The following THAP4 variants were observed in gnomAD, a reference collection of about 807,000 sequenced individuals.
THAP4 encodes the protein THAP domain containing 4.
A neutral mutation model predicts 48.1 loss-of-function variants in THAP4; 18 were observed. The ratio of observed to expected loss-of-function variants is 0.37; its 90% CI spans 0.26 to 0.56. The LOEUF is 0.56. THAP4 is among the 20% of genes least tolerant of loss of function. The pLI is 0.78. For synonymous variants in THAP4, 345 were observed against 324.9 expected, an observed-to-expected ratio of 1.06 and a Z score of -0.66; for missense variants, 656 against 774.9, an observed-to-expected ratio of 0.85 and a Z score of 1.82.
At position 241,584,460 on chromosome 2, in the gene THAP4, GC is replaced by G; in HGVS notation, c.*145del. 1 of 813,096 alleles carries G rather than the reference GC, an allele frequency of 1.2e-6. No homozygotes were observed. 50.4% of individuals were successfully genotyped at this position (813,096 alleles called of 1,614,324 possible). On this transcript the variant is annotated 3_prime_UTR_variant, in exon 6 of 6. Coordinates refer to ENST00000407315, the MANE Select transcript of THAP4 (RefSeq NM_015963.6). ...AAGGCCTTTTATTTGGTTTTTCTAT[GC>G]CAGTACAGAAACATCTGGACAACAC...
chr2:241,587,147 TG>T (rs1356427598), intron 5 of THAP4, among the ~76,000 whole-genome samples: 2 of 152,202 alleles, frequency 1.3e-5, no homozygotes, highest in African/African-American at 2.4e-5. Flanking sequence ...AGGATTATTT[TG>T]AGTATGTCTG....
At chr2:241,602,184 C>T (rs1217264816) in intron 4 of THAP4, 185 bp from the exon 5 acceptor site, 1 of 627,832 alleles carries the variant, frequency 1.6e-6, no homozygotes, top group African/African-American at 1.8e-5. Context: ...CAACTCTCCT[C>T]ACAGAACAGG....
chr2:241,606,547 G>C, intron 2 of THAP4, 74 bp from the exon 3 acceptor site: 1 of 1,373,912 alleles, frequency 7.3e-7, no homozygotes, highest in South Asian at 1.6e-5. Flanking sequence ...CAGAATGCAC[G>C]TTCCATATCG....
chr2:241,602,799 C>G (rs537130808), intron 4 of THAP4, among the ~76,000 whole-genome samples, 171 bp downstream of exon 4: 3 of 152,360 alleles, frequency 2.0e-5, no homozygotes, highest in Non-Finnish European at 2.9e-5. Context: ...TACAGCTACA[C>G]AGTCGGCCCC....
In THAP4 at chr2:241,633,554, G is replaced by A. The variant is rs1318154266; in HGVS notation, c.603C>T (p.Ser201=). The A allele has an allele frequency of 1.1e-5, 17 of 1,613,718 alleles. No individual in the cohort carries two copies. The highest frequency in any genetic ancestry group is 1.3e-5 in the Non-Finnish European group (15 of 1,179,936). The change falls in exon 2 of 6, where the codon AGC becomes AGT. Residue 201 remains serine, a synonymous_variant. Transcript: ENST00000407315. This position sits in a 1 kb window ranked among gnomAD's most constrained non-coding sequence, Gnocchi z 7.5. ...EASATDAGDE[S]ATSSIEGGVT... ...CGCCCCCTTCGATGGAGGAAGTGGCGCTCTCATCGCCAGCATCTGTGGCAG... is the reference window on the plus strand; with the variant it reads ...CGCCCCCTTCGATGGAGGAAGTGGCACTCTCATCGCCAGCATCTGTGGCAG...
intron 2 of THAP4, among the ~76,000 whole-genome samples, chr2:241,611,728 A>T (rs2067280137): frequency 6.6e-6 from 1 of 151,124 alleles, no homozygotes; most frequent in South Asian, 2.1e-4. Flanking sequence ...TGTCTCCAAA[A>T]AAAAAAAAAA....
In THAP4 at chr2:241,633,971, T is replaced by A; in HGVS notation, c.186A>T (p.Lys62Asn). The A allele has an allele frequency of 6.2e-7, 1 of 1,614,154 alleles. No individual in the cohort carries two copies. Among genetic ancestry groups the A allele is most frequent in the South Asian group, 1.1e-5 (1 of 91,088 alleles). ...CCTCCAGCCTCTTGGAGAAGCTGTCTTTGGTGAAATGCTCACTACAGAGAA... is the reference window on the plus strand; with the variant it reads ...CCTCCAGCCTCTTGGAGAAGCTGTCATTGGTGAAATGCTCACTACAGAGAA... Reference protein sequence around the residue: ...YSFLCSEHFTKDSFSKRLEDQ... With the variant: ...YSFLCSEHFTNDSFSKRLEDQ... The change falls in exon 2 of 6, where the codon AAA becomes AAT. Residue 62 changes from lysine (K) to asparagine (N), a missense_variant. This residue lies in a region of THAP4 where 30 missense variants were observed against 60.1 expected (regional missense o/e 0.50). Transcript: ENST00000407315. This position sits in a 1 kb window ranked among gnomAD's most constrained non-coding sequence, Gnocchi z 7.5.
chr2:241,605,891 T>C (rs2067177090), intron 3 of THAP4, among the ~76,000 whole-genome samples: 1 of 152,004 alleles, frequency 6.6e-6, no homozygotes, highest in Non-Finnish European at 1.5e-5. Flanking sequence ...CTAAATACTT[T>C]TCAGTAGAGA....
intron 5 of THAP4, among the ~76,000 whole-genome samples, chr2:241,592,551 TGGGGC>T (rs1167272074): frequency 1.3e-5 from 2 of 152,088 alleles, no homozygotes; most frequent in African/African-American, 4.8e-5. Flanking sequence ...CTACCCTCTG[TGGGGC>T]CTGCAGTCTG....
chr2:241,610,673 CT>C lies in THAP4; in HGVS notation c.1241-4201del, dbSNP rs1393054015. Among the ~76,000 whole-genome samples the C allele has an allele frequency of 2.6e-5, 4 of 152,110 alleles. No homozygotes were observed. The highest frequency in any genetic ancestry group is 7.2e-5 in the African/African-American group (3 of 41,432). On this transcript the variant is annotated intron_variant, in intron 2 of 5. Transcript: ENST00000407315. This position sits in a 1 kb window ranked among gnomAD's most constrained non-coding sequence, Gnocchi z 4.2. Reference sequence around the variant, plus strand: ...TCTCACCGGCAGCCTCTGCCTCCCCCTGGTCTTTCCCTCCCACCACCCACCG... The same window carrying C: ...TCTCACCGGCAGCCTCTGCCTCCCCCGGTCTTTCCCTCCCACCACCCACCG...
intron 2 of THAP4, among the ~76,000 whole-genome samples, chr2:241,630,162 AC>A (rs1287955939): frequency 6.6e-6 from 1 of 151,980 alleles, no homozygotes; most frequent in Non-Finnish European, 1.5e-5. Context: ...ATCTGTCAAC[AC>A]CCTTTTAAAT....
chr2:241,627,825 C>G (rs933051044), intron 2 of THAP4, among the ~76,000 whole-genome samples: 1 of 152,192 alleles, frequency 6.6e-6, no homozygotes, highest in South Asian at 2.1e-4. Flanking sequence ...CACCGCATGC[C>G]CAGCCGTGGC....
In THAP4 at chr2:241,617,578, C is replaced by T. The variant is rs889940644; in HGVS notation, c.1241-11105G>A. The T allele has an allele frequency of 1.9e-5, 19 of 982,792 alleles. 1 individual carries two copies. The South Asian group carries it at 2.5e-4, about 13-fold the overall frequency. 60.9% of individuals were successfully genotyped at this position (982,792 alleles called of 1,614,324 possible). ...ATTGTAGTTCCACTATGAAAGATCA[C>T]GTCTCAGAAGAAAGTAAAAGACAAT... On this transcript the variant is annotated intron_variant, in intron 2 of 5. Coordinates refer to ENST00000407315, the MANE Select transcript of THAP4 (RefSeq NM_015963.6).
intron 3 of THAP4, among the ~76,000 whole-genome samples, chr2:241,606,063 T>C (rs2067179768): frequency 1.3e-5 from 2 of 152,222 alleles, no homozygotes; most frequent in Admixed American, 6.5e-5. Context: ...GTTTTTATGT[T>C]TGGATTAACA....
At chr2:241,626,816 G>A (rs998898566) in intron 2 of THAP4, among the ~76,000 whole-genome samples, 3 of 152,066 alleles carry the variant, frequency 2.0e-5, no homozygotes, top group Non-Finnish European at 4.4e-5. Context: ...TGCCTGCCTC[G>A]GCCTCCCAAA....
Position 241,636,854 on chromosome 2 carries a change from C to A in THAP4, c.77+87G>T, listed in dbSNP as rs1047997021. On this transcript the variant is annotated intron_variant, in intron 1 of 5. Coordinates refer to ENST00000407315, the MANE Select transcript of THAP4 (RefSeq NM_015963.6). Reference sequence around the variant, plus strand: ...CGGCCGCCGAGGCCCGGCGCCCCCGCCCCCCGCGTTCGGGCCGGCCGCGGG... The same window carrying A: ...CGGCCGCCGAGGCCCGGCGCCCCCGACCCCCGCGTTCGGGCCGGCCGCGGG... 2.3e-5 allele frequency: 18 copies of A among 789,732 alleles called. No homozygotes were observed. The African/African-American group carries it at 3.0e-4, about 13-fold the overall frequency. The allele number at this position is 789,732 out of a possible 1,614,324, so 48.9% of individuals were successfully genotyped here. A position where few individuals can be genotyped will look rare whatever the true frequency, so the allele number is the denominator to read the frequency against.
upstream of THAP4, chr2:241,637,323 G>C: frequency 8.0e-7 from 1 of 1,248,350 alleles, no homozygotes; most frequent in Non-Finnish European, 1.0e-6. Context: ...GGCGGGGCAA[G>C]TCCGTACCGC....
upstream of THAP4, chr2:241,637,265 C>G: frequency 1.8e-6 from 2 of 1,092,480 alleles, no homozygotes; most frequent in Non-Finnish European, 2.2e-6. Flanking sequence ...CCGCAGGCCC[C>G]TCGCAGCGTC....
At chr2:241,592,971 G>A (rs573792330) in intron 5 of THAP4, among the ~76,000 whole-genome samples, 5 of 152,332 alleles carry the variant, frequency 3.3e-5, no homozygotes, top group South Asian at 2.1e-4. Context: ...GGCCAGGCAC[G>A]GTGGCTCACA....
Sources: gnomAD v4.1 joint callset for allele counts (sites outside exome capture counted in the v4.1 genomes callset) on GRCh38, gnomAD v4.1.1 for gene constraint, gnomAD v4.1.1 regional missense constraint, Gnocchi (gnomAD v3.1) non-coding constraint, MANE v1.5 for transcripts, NCBI Gene and HGNC (gene_info 2026-07-23, HGNC 2026-07-21) for gene names.